Variants in KRT78 observed in about 807,000 individuals in gnomAD.
KRT78 encodes the protein keratin 78, also known as keratin, type II cytoskeletal 78.
A neutral mutation model predicts 51.4 loss-of-function variants in KRT78; 55 were observed. The observed-to-expected ratio is 1.07, with a 90% CI of 0.86 to 1.34. The LOEUF is 1.34. Among genes scored for constraint, KRT78 ranks in the 40% most tolerant of loss-of-function variants. The pLI is 0.00. For synonymous variants in KRT78, 291 were observed against 264.3 expected (o/e 1.10, Z -0.98); for missense variants, 652 against 649.4 (o/e 1.00, Z -0.04).
chr12:52,840,888 G>A (rs1338862515), intron 6 of KRT78, among the ~76,000 whole-genome samples: 1 of 152,124 alleles, frequency 6.6e-6, no homozygotes, highest in Non-Finnish European at 1.5e-5. Context: ...TCCAGGACTG[G>A]GAGAGATTAC....
intron 5 of KRT78, 22 bp from the exon 6 acceptor site, chr12:52,844,240 C>T (rs752496976): frequency 4.4e-6 from 7 of 1,575,402 alleles, no homozygotes; most frequent in Non-Finnish European, 6.0e-6. Flanking sequence ...ACAGAGGGGA[C>T]ACCATTAGTT....
In KRT78 at chr12:52,843,688, C is replaced by CAA. The variant is rs1158055717; in HGVS notation, c.1047+403_1047+404dup. 6.6e-3 allele frequency among the ~76,000 whole-genome samples: 414 copies of CAA among 63,138 alleles called. 12 individuals are homozygous for CAA. Among genetic ancestry groups the CAA allele is most frequent in the Middle Eastern group, 0.018 (2 of 114 alleles). 41.4% of individuals were successfully genotyped at this position (63,138 alleles called of 152,430 possible). A position where few individuals can be genotyped will look rare whatever the true frequency, so the allele number is the denominator to read the frequency against. On this transcript the variant is annotated intron_variant, in intron 6 of 8. Coordinates refer to ENST00000304620, the MANE Select transcript of KRT78 (RefSeq NM_173352.4). ...TGGGCAGTGGAGTAAGACTCTGTCT[C>CAA]AAAAAAAAAAAAAAAAAGAAAAAGA...
At position 52,846,715 on chromosome 12, in the gene KRT78, G is replaced by A. The variant is rs368542392; in HGVS notation, c.660+49C>T. On this transcript the variant is annotated intron_variant, in intron 3 of 8. Transcript: ENST00000304620. ...CTCCCAGCCTAGGACTAGGCTCCGTGCACAGTGGATGCTCAGAACGTAAGT... is the reference window on the plus strand; with the variant it reads ...CTCCCAGCCTAGGACTAGGCTCCGTACACAGTGGATGCTCAGAACGTAAGT... 2.4e-4 allele frequency: 369 copies of A among 1,517,176 alleles called. 1 individual carries two copies. In the Middle Eastern group the frequency reaches 2.9e-3, roughly 12 times the overall value. 94.0% of individuals were successfully genotyped at this position (1,517,176 alleles called of 1,614,324 possible).
intron 7 of KRT78, 127 bp downstream of exon 7, chr12:52,839,637 G>C: frequency 7.8e-7 from 1 of 1,280,236 alleles, no homozygotes; most frequent in Non-Finnish European, 1.1e-6. Context: ...CTGCAGCGTC[G>C]GTTGCCCTTA....
chr12:52,847,962 C>A lies in KRT78; in HGVS notation c.544G>T (p.Ala182Ser). ...QLEQLQGERGALDAELKACRD... is the reference protein window; with the variant it reads ...QLEQLQGERGSLDAELKACRD... ...CAGGCCTTCAACTCAGCATCCAGAGCCCCTCGTTCTCCCTGGAGCTGCTCC... is the reference window on the plus strand; with the variant it reads ...CAGGCCTTCAACTCAGCATCCAGAGACCCTCGTTCTCCCTGGAGCTGCTCC... The change falls in exon 2 of 9, where the codon GCT becomes TCT. Residue 182 changes from alanine to serine, a missense_variant. Ala to Ser is a moderately conservative substitution (Grantham distance 99). Transcript: ENST00000304620. 1 of 1,614,194 alleles carries A rather than the reference C, an allele frequency of 6.2e-7. No individual in the cohort carries two copies.
At position 52,846,796 on chromosome 12, in the gene KRT78, T is replaced by C. The variant is rs1377125480; in HGVS notation, c.628A>G (p.Thr210Ala). ...KYEEEAHRRA[T>A]LENDFVVLKK... ...AGGACCACAAAGTCGTTCTCAAGTG[T>C]GGCACGCCTGTGGGCCTCCTCCTCA... The change falls in exon 3 of 9, where the codon ACA becomes GCA. Residue 210 changes from threonine (T) to alanine (A), a missense_variant. Physicochemically the swap from Thr to Ala is moderately conservative, Grantham distance 58. Coordinates refer to ENST00000304620, the MANE Select transcript of KRT78 (RefSeq NM_173352.4). 2 of 1,613,754 alleles carry C rather than the reference T, an allele frequency of 1.2e-6. No individual in the cohort carries two copies. Among genetic ancestry groups the C allele is most frequent in the Admixed American group, 1.7e-5 (1 of 59,954 alleles).
chr12:52,839,065 G>C lies in KRT78; in HGVS notation c.*48C>G, dbSNP rs528264603. ...GTTGGCCTTGCAGAGCCGGCTGATG[G>C]GGGGAGTGGGCCAAATGTGTTCAGG... On this transcript the variant is annotated 3_prime_UTR_variant, in exon 9 of 9. Coordinates refer to ENST00000304620, the MANE Select transcript of KRT78 (RefSeq NM_173352.4). 22 of 1,582,232 alleles carry C rather than the reference G, an allele frequency of 1.4e-5. No homozygotes were observed. Among genetic ancestry groups the C allele is most frequent in the East Asian group, 9.0e-5 (4 of 44,606 alleles).
At chr12:52,846,877 T>C (rs1273680781) in intron 2 of KRT78, 53 bp from the exon 3 acceptor site, 2 of 1,400,450 alleles carry the variant, frequency 1.4e-6, no homozygotes, top group African/African-American at 1.4e-5. Context: ...TCAGAGCTCA[T>C]GCCCCCATGT....
chr12:52,848,671 G>T lies in KRT78; in HGVS notation c.260C>A (p.Thr87Asn). 3 of 1,613,800 alleles carry T rather than the reference G, an allele frequency of 1.9e-6. No individual in the cohort carries two copies. The highest frequency in any genetic ancestry group is 2.5e-6 in the Non-Finnish European group (3 of 1,179,852). ...LCPPGGIQEVTINQNLLTPLK... is the reference protein window; with the variant it reads ...LCPPGGIQEVNINQNLLTPLK... ...TGGGGTCAGCAGATTCTGGTTGATGGTCACTTCTTGGATGCCCCCCGGAGG... is the reference window on the plus strand; with the variant it reads ...TGGGGTCAGCAGATTCTGGTTGATGTTCACTTCTTGGATGCCCCCCGGAGG... The change falls in exon 1 of 9, where the codon ACC becomes AAC. Residue 87 changes from threonine to asparagine, a missense_variant. Transcript: ENST00000304620.
chr12:52,843,099 G>A (rs1191550852), intron 6 of KRT78, among the ~76,000 whole-genome samples: 2 of 151,416 alleles, frequency 1.3e-5, no homozygotes, highest in Non-Finnish European at 2.9e-5. Context: ...GGGTGCAGTG[G>A]CTCACGACTG....
chr12:52,848,459 G>A (rs1378087338), intron 1 of KRT78, 88 bp downstream of exon 1: 6 of 1,560,526 alleles, frequency 3.8e-6, no homozygotes, highest in South Asian at 1.2e-5. Flanking sequence ...GTGGTAGAAG[G>A]AGGCCAAACT....
intron 6 of KRT78, among the ~76,000 whole-genome samples, chr12:52,842,635 G>A (rs1283639959): frequency 1.3e-5 from 2 of 151,986 alleles, no homozygotes. Flanking sequence ...AAAGAGATGT[G>A]GGCTGAGCAT....
At position 52,844,600 on chromosome 12, in the gene KRT78, G is replaced by C. The variant is rs778802464; in HGVS notation, c.880C>G (p.Arg294Gly). 3.1e-6 allele frequency: 5 copies of C among 1,614,022 alleles called. No individual in the cohort carries two copies. The highest frequency in any genetic ancestry group is 4.2e-6 in the Non-Finnish European group (5 of 1,179,978). ...EVRARYEEIA[R>G]SSKAEAEALY... ...GCCTCAGCCTCAGCCTTGCTGCTCC[G>C]GGCGATCTCCTCGTACCGGGCGCGG... Residue 294 changes from arginine to glycine, a missense_variant, in exon 5 of 9, where the codon CGG (arginine) becomes GGG (glycine). Arg to Gly is a moderately radical substitution (Grantham distance 125). Transcript: ENST00000304620.
chr12:52,847,842 A>G (rs11170287), intron 2 of KRT78, 65 bp downstream of exon 2: 349,095 of 1,453,646 alleles, frequency 0.24, 47,187 homozygotes, highest in Non-Finnish European at 0.28. Flanking sequence ...CTCCTGGCTG[A>G]CAGACCCAAA....
intron 2 of KRT78, 149 bp from the exon 3 acceptor site, chr12:52,846,973 A>G: frequency 1.6e-6 from 1 of 638,094 alleles, no homozygotes; most frequent in East Asian, 2.7e-5. Flanking sequence ...CTTTCCTGCC[A>G]CGTCCTAGCT....
rs556887867 is a variant in KRT78, at chr12:52,839,862, G to T, written c.1170C>A (p.Ala390=). ...AALRMAKQNL[A]RLLCEYQELT... ...GCTCCTGGTACTCGCACAGCAGCCG[G>T]GCCAGGTTCTGCTTGGCCATCCTCA... The change falls in exon 7 of 9, where the codon GCC becomes GCA. Residue 390 remains alanine, a synonymous_variant. Coordinates refer to ENST00000304620, the MANE Select transcript of KRT78 (RefSeq NM_173352.4). 1.2e-6 allele frequency: 2 copies of T among 1,614,018 alleles called. No individual in the cohort carries two copies. The highest frequency in any genetic ancestry group is 4.5e-5 in the East Asian group (2 of 44,846).
chr12:52,843,030 GAGGGAGGGAGGGAGGGAAGGGAGGA>G (rs1366419562), intron 6 of KRT78, among the ~76,000 whole-genome samples: 2 of 116,338 alleles, frequency 1.7e-5, no homozygotes, highest in African/African-American at 7.6e-5. Flanking sequence ...GGGAGGGAGG[GAGGGAGGGAGGGAGGGAAGGGAGGA>G]AGGAAGAAAG....
rs138495207 is a variant in KRT78, at chr12:52,839,270, G to A, written c.1406C>T (p.Thr469Ile). Residue 469 changes from threonine (T) to isoleucine (I), a missense_variant, in exon 9 of 9, where the codon ACC (threonine) becomes ATC (isoleucine). By Grantham distance (89) the Thr-to-Ile change is moderately conservative. Coordinates refer to ENST00000304620, the MANE Select transcript of KRT78 (RefSeq NM_173352.4). ...GTTGGAGCCTCCAGTCACAATGCTG[G>A]TGCAGCAGGACCCAGGGCTGCCTTT... ...SGKGSPGSCC[T>I]SIVTGGSNII... is the part of the protein sequence containing the mutation. The A allele has an allele frequency of 9.2e-5, 149 of 1,612,372 alleles. No homozygotes were observed. Among genetic ancestry groups the A allele is most frequent in the Non-Finnish European group, 1.2e-4 (139 of 1,179,310 alleles).
intron 7 of KRT78, 102 bp from the exon 8 acceptor site, chr12:52,839,589 G>T: frequency 1.5e-6 from 2 of 1,359,158 alleles, no homozygotes; most frequent in Non-Finnish European, 2.0e-6. Context: ...CACCCTCTCA[G>T]CAGATAAAAT....
Sources: allele counts gnomAD v4.1 joint callset (sites outside exome capture counted in the v4.1 genomes callset), GRCh38; gene constraint gnomAD v4.1.1; transcripts MANE v1.5; gene names NCBI Gene and HGNC (gene_info 2026-07-23, HGNC 2026-07-21).